The following INSC variants were observed in gnomAD, a reference collection of about 807,000 sequenced individuals.
The protein encoded by INSC is protein inscuteable homolog.
A neutral mutation model predicts 58.6 loss-of-function variants in INSC; 67 were observed. That is an observed-to-expected ratio of 1.14 (90% CI 0.94 to 1.40). The LOEUF is 1.40. INSC is among the 40% of genes most tolerant of loss of function. INSC has a pLI of 0.00. For missense variants in INSC, 714 were observed against 692.0 expected, an observed-to-expected ratio of 1.03 and a Z score of -0.36; for synonymous variants, 262 against 276.1, an observed-to-expected ratio of 0.95 and a Z score of 0.51.
At chr11:15,193,580 AT>A (rs1456427670) in intron 6 of INSC, among the ~76,000 whole-genome samples, 3 of 152,214 alleles carry the variant, frequency 2.0e-5, no homozygotes, top group South Asian at 2.1e-4. Flanking sequence ...GCTGAGAATG[AT>A]GGTTTCCAGC....
chr11:15,148,723 AT>A (rs1848556582), intron 1 of INSC, among the ~76,000 whole-genome samples: 1 of 152,222 alleles, frequency 6.6e-6, no homozygotes, highest in African/African-American at 2.4e-5. Flanking sequence ...GGGAATTAGA[AT>A]GTAGAATTGC....
chr11:15,183,086 G>A (rs61010675), intron 5 of INSC, among the ~76,000 whole-genome samples: 3,761 of 152,104 alleles, frequency 0.025, 140 homozygotes, highest in African/African-American at 0.07. Context: ...GGCGACTCAC[G>A]CTTGTAATCT....
chr11:15,112,650 G>T (rs528570332), upstream of INSC: 3 of 524,762 alleles, frequency 5.7e-6, no homozygotes, highest in South Asian at 4.4e-5. Flanking sequence ...TGGGAAGTGG[G>T]GGGGGGGCAT....
At chr11:15,129,598 A>G (rs1288144138) in intron 1 of INSC, among the ~76,000 whole-genome samples, 1 of 152,210 alleles carries the variant, frequency 6.6e-6, no homozygotes, top group Non-Finnish European at 1.5e-5. Context: ...AGGGACTTGC[A>G]CATGCTAAGG....
At chr11:15,114,666 G>A (rs1253720173), upstream of INSC, among the ~76,000 whole-genome samples, 3 of 152,170 alleles carry the variant, frequency 2.0e-5, no homozygotes, top group Admixed American at 2.0e-4. Context: ...GCCTGACCGC[G>A]TCCCCATTCC....
chr11:15,200,897 G>T lies in INSC; in HGVS notation c.767G>T (p.Arg256Leu), dbSNP rs375901136. 3 of 1,613,454 alleles carry T rather than the reference G, an allele frequency of 1.9e-6. No individual in the cohort carries two copies. The highest frequency in any genetic ancestry group is 2.5e-6 in the Non-Finnish European group (3 of 1,179,934). The change falls in exon 7 of 13, where the codon CGC (arginine) becomes CTC (leucine). Residue 256 changes from arginine to leucine, a missense_variant. Arg to Leu is a moderately radical substitution (Grantham distance 102). Coordinates refer to ENST00000379556, the MANE Select transcript of INSC (RefSeq NM_001042536.3). The stretch of plus-strand genomic sequence containing the variant: ...CGGTGCTTGTACCCCCAGGCGCTCC[G>T]CACGCTGGCCTCCATCTGCTGCGTG... Reference protein sequence around the residue: ...SFRCLYPQALRTLASICCVEE... With the variant: ...SFRCLYPQALLTLASICCVEE...
In INSC at chr11:15,230,004, TA is replaced by T. The variant is rs1339966312; in HGVS notation, c.1170+4177del. On this transcript the variant is annotated intron_variant, in intron 9 of 12. Transcript: ENST00000379556. ...TTATATATATATATATATATATATA[TA>T]TATATATAATATATATATATATATA... Among the ~76,000 whole-genome samples the T allele has an allele frequency of 3.3e-4, 9 of 27,270 alleles. No individual in the cohort carries two copies. In the East Asian group the frequency reaches 6.8e-3, roughly 21 times the overall value. The allele number at this position is 27,270 out of a possible 152,430, so 17.9% of individuals were successfully genotyped here. A position where few individuals can be genotyped will look rare whatever the true frequency, so the allele number is the denominator to read the frequency against.
At chr11:15,227,492 C>T (rs1186346931) in intron 9 of INSC, among the ~76,000 whole-genome samples, 1 of 152,212 alleles carries the variant, frequency 6.6e-6, no homozygotes, top group African/African-American at 2.4e-5. Flanking sequence ...CAAAGAAGAG[C>T]ATGAGTAGTG....
At chr11:15,160,289 A>G (rs951763835) in intron 2 of INSC, among the ~76,000 whole-genome samples, 3 of 152,186 alleles carry the variant, frequency 2.0e-5, no homozygotes, top group Admixed American at 1.3e-4. Context: ...CAAGGTGAAG[A>G]GGAAGTGGGA....
At chr11:15,176,990 G>A (rs940717492) in intron 3 of INSC, 121 bp from the exon 4 acceptor site, 11 of 809,248 alleles carry the variant, frequency 1.4e-5, no homozygotes, top group South Asian at 1.3e-4. Context: ...TATTTTAACT[G>A]CCTGTTCCCC....
In INSC at chr11:15,229,195, C is replaced by G. The variant is rs749803026; in HGVS notation, c.1170+3367C>G. Among the ~76,000 whole-genome samples, 4 of 152,040 alleles carry G rather than the reference C, an allele frequency of 2.6e-5. No homozygotes were observed. The East Asian group carries it at 7.7e-4, about 29-fold the overall frequency. On this transcript the variant is annotated intron_variant, in intron 9 of 12. Transcript: ENST00000379556. ...TTTACTGAGTCTGACTTTTTGTGGC[C>G]TTCAGGAATTAACTGCTTTCATAAG...
chr11:15,113,586 C>T (rs151014544), upstream of INSC, among the ~76,000 whole-genome samples: 283 of 152,306 alleles, frequency 1.9e-3, 2 homozygotes, highest in Non-Finnish European at 2.9e-3. Flanking sequence ...CTGTCCCCAG[C>T]CCTAGACAGC....
intron 7 of INSC, among the ~76,000 whole-genome samples, chr11:15,201,477 T>A (rs922394656): frequency 6.6e-6 from 1 of 151,804 alleles, no homozygotes; most frequent in Non-Finnish European, 1.5e-5. Flanking sequence ...GGCGTGGGAG[T>A]AGGGTAGGGT....
downstream of INSC, among the ~76,000 whole-genome samples, chr11:15,247,827 TAATATC>T (rs1408314268): frequency 6.6e-6 from 1 of 150,390 alleles, no homozygotes; most frequent in African/African-American, 2.4e-5. Context: ...CAACTTTTGT[TAATATC>T]ATTATGATCT....
chr11:15,238,133 T>C (rs1438748152), intron 10 of INSC, among the ~76,000 whole-genome samples: 3 of 151,862 alleles, frequency 2.0e-5, no homozygotes, highest in Non-Finnish European at 4.4e-5. Flanking sequence ...GAAAATGGCA[T>C]CCCTTGTAGA....
At chr11:15,205,398 G>C (rs575391677) in intron 7 of INSC, among the ~76,000 whole-genome samples, 89 of 152,260 alleles carry the variant, frequency 5.8e-4, no homozygotes, top group Admixed American at 1.3e-3. Context: ...TGTGAGCTTG[G>C]ATATGTTATC....
intron 2 of INSC, among the ~76,000 whole-genome samples, chr11:15,161,526 G>C (rs1486784199): frequency 6.6e-6 from 1 of 152,130 alleles, no homozygotes; most frequent in Non-Finnish European, 1.5e-5. Context: ...TTCCACTATA[G>C]GTGGGCACAG....
chr11:15,175,691 G>T, intron 2 of INSC, 50 bp from the exon 3 acceptor site: 1 of 1,421,054 alleles, frequency 7.0e-7, no homozygotes. Context: ...TGAGACCTTT[G>T]GAAATCATGG....
intron 2 of INSC, among the ~76,000 whole-genome samples, chr11:15,152,100 CAA>C (rs1848672814): frequency 6.6e-6 from 1 of 152,136 alleles, no homozygotes; most frequent in African/African-American, 2.4e-5. Flanking sequence ...ATTTTGCAAA[CAA>C]GAGGTCATAG....
Sources: gnomAD v4.1 joint callset for allele counts (sites outside exome capture counted in the v4.1 genomes callset) on GRCh38, gnomAD v4.1.1 for gene constraint, MANE v1.5 for transcripts, NCBI Gene and HGNC (gene_info 2026-07-23, HGNC 2026-07-21) for gene names.